CFAP299: variants seen among roughly 807,000 people sequenced by gnomAD.
The protein encoded by CFAP299 is cilia- and flagella-associated protein 299.
Under a neutral mutation model 27.0 loss-of-function variants are expected in CFAP299, and 21 were observed. The ratio of observed to expected loss-of-function variants is 0.78; its 90% CI spans 0.55 to 1.12. CFAP299 has a LOEUF of 1.12. CFAP299 is among the 50% of genes most tolerant of loss of function. The pLI is 0.00. For missense variants in CFAP299, 310 were observed against 276.6 expected, an observed-to-expected ratio of 1.12 and a Z score of -0.86; for synonymous variants, 104 against 98.1, an observed-to-expected ratio of 1.06 and a Z score of -0.36.
At chr4:80,952,331 G>T (rs182865615) in intron 5 of CFAP299, among the ~76,000 whole-genome samples, 199 of 152,204 alleles carry the variant, frequency 1.3e-3, no homozygotes, top group African/African-American at 4.6e-3. Context: ...ATATTTTAGG[G>T]TCTTAGGCAC....
At chr4:80,458,765 G>T (rs1729294632) in intron 2 of CFAP299, among the ~76,000 whole-genome samples, 1 of 152,044 alleles carries the variant, frequency 6.6e-6, no homozygotes, top group African/African-American at 2.4e-5. Context: ...CCCAGAAATA[G>T]GCTAAAATAG....
chr4:80,434,021 AT>A (rs1248553715), intron 2 of CFAP299, among the ~76,000 whole-genome samples: 1 of 152,124 alleles, frequency 6.6e-6, no homozygotes, highest in Non-Finnish European at 1.5e-5. Context: ...TTCAACAACT[AT>A]TTACCAAATG....
At chr4:80,446,814 A>G (rs1239334916) in intron 2 of CFAP299, among the ~76,000 whole-genome samples, 1 of 152,234 alleles carries the variant, frequency 6.6e-6, no homozygotes, top group Non-Finnish European at 1.5e-5. Context: ...CTCTTAACCC[A>G]GAAATTTAAT....
intron 3 of CFAP299, among the ~76,000 whole-genome samples, chr4:80,758,916 T>C (rs1725402649): frequency 6.6e-6 from 1 of 152,134 alleles, no homozygotes. Flanking sequence ...CTCTAAATAT[T>C]AAAATGGCAC....
At chr4:80,393,435 C>CCACTGACT (rs70944778) in intron 2 of CFAP299, among the ~76,000 whole-genome samples, 1 of 152,060 alleles carries the variant, frequency 6.6e-6, no homozygotes, top group African/African-American at 2.4e-5. Flanking sequence ...CATTCACTCA[C>CCACTGACT]CACTGACTCA....
chr4:80,740,341 A>C (rs72864895), intron 3 of CFAP299, among the ~76,000 whole-genome samples: 14,432 of 152,158 alleles, frequency 0.095, 833 homozygotes, highest in African/African-American at 0.14. Context: ...TGGGCTCCAA[A>C]CCCAATAACA....
the CFAP299 span, among the ~76,000 whole-genome samples, chr4:80,329,919 T>G: frequency 6.6e-6 from 1 of 152,076 alleles, no homozygotes; most frequent in Admixed American, 6.5e-5. Flanking sequence ...ATCTCTGGGG[T>G]TTTAACGATG....
chr4:80,564,043 A>G (rs1735165234), intron 2 of CFAP299, among the ~76,000 whole-genome samples: 2 of 151,976 alleles, frequency 1.3e-5, no homozygotes, highest in African/African-American at 2.4e-5. Flanking sequence ...GTAATAAAAA[A>G]TCTCCTAGTA....
chr4:80,386,931 A>G lies in CFAP299; in HGVS notation c.242+24047A>G. 2.3e-6 allele frequency: 2 copies of G among 851,070 alleles called. 1 individual carries two copies. Among genetic ancestry groups the G allele is most frequent in the South Asian group, 2.7e-5 (2 of 74,624 alleles). 52.7% of individuals were successfully genotyped at this position (851,070 alleles called of 1,614,324 possible). A position where few individuals can be genotyped will look rare whatever the true frequency, so the allele number is the denominator to read the frequency against. On this transcript the variant is annotated intron_variant, in intron 2 of 5. Transcript: ENST00000358105. Reference sequence around the variant, plus strand: ...CTCGCCTGAGTGGTTGTGAGCGCGCAGTTTGAGGTAATGCACCCGCCGGGA... The same window carrying G: ...CTCGCCTGAGTGGTTGTGAGCGCGCGGTTTGAGGTAATGCACCCGCCGGGA...
intron 1 of CFAP299, among the ~76,000 whole-genome samples, chr4:80,347,442 T>A (rs1214406603): frequency 2.6e-5 from 4 of 152,024 alleles, no homozygotes; most frequent in Admixed American, 1.3e-4. Context: ...AGTCTCAGGA[T>A]ACAAAAGCAA....
At chr4:80,775,275 G>T (rs920276406) in intron 3 of CFAP299, among the ~76,000 whole-genome samples, 1 of 151,724 alleles carries the variant, frequency 6.6e-6, no homozygotes, top group Non-Finnish European at 1.5e-5. Flanking sequence ...AAACAAGAAA[G>T]TATTGTAACA....
intron 3 of CFAP299, among the ~76,000 whole-genome samples, chr4:80,697,288 G>T (rs1189850695): frequency 6.6e-6 from 1 of 152,044 alleles, no homozygotes; most frequent in Non-Finnish European, 1.5e-5. Flanking sequence ...TATTTTTATA[G>T]GATATAAACC....
chr4:80,916,389 G>A (rs1303876779), intron 4 of CFAP299, among the ~76,000 whole-genome samples: 1 of 149,442 alleles, frequency 6.7e-6, no homozygotes, highest in African/African-American at 2.5e-5. Context: ...TTGATGCTAG[G>A]TACTTCTGTA....
At chr4:80,855,500 C>T (rs1180244322) in intron 3 of CFAP299, among the ~76,000 whole-genome samples, 1 of 152,140 alleles carries the variant, frequency 6.6e-6, no homozygotes, top group Non-Finnish European at 1.5e-5. Context: ...TGGTGCGCTG[C>T]ACCGACTAAC....
At position 80,730,274 on chromosome 4, in the gene CFAP299, G is replaced by A. The variant is rs958686228; in HGVS notation, c.334-139719G>A. On this transcript the variant is annotated intron_variant, in intron 3 of 5. Transcript: ENST00000358105. ...TGTGTGTGTGTGTGTGTGTGTGTGTGTGTGTATGTGTGTGTGTGTGTGTGT... is the reference window on the plus strand; with the variant it reads ...TGTGTGTGTGTGTGTGTGTGTGTGTATGTGTATGTGTGTGTGTGTGTGTGT... Among the ~76,000 whole-genome samples the A allele has an allele frequency of 7.9e-3, 1,179 of 148,838 alleles. 7 individuals are homozygous for A. Among genetic ancestry groups the A allele is most frequent in the Middle Eastern group, 0.017 (5 of 290 alleles).
chr4:80,754,906 T>C (rs1206890706), intron 3 of CFAP299, among the ~76,000 whole-genome samples: 1 of 152,136 alleles, frequency 6.6e-6, no homozygotes, highest in Non-Finnish European at 1.5e-5. Flanking sequence ...AAGAGTTGTG[T>C]TTGCATATTG....
chr4:80,893,261 T>C (rs1734436294), intron 4 of CFAP299, among the ~76,000 whole-genome samples: 1 of 151,530 alleles, frequency 6.6e-6, no homozygotes, highest in African/African-American at 2.4e-5. Flanking sequence ...GCATCCCATG[T>C]TTATGGATTG....
At chr4:80,856,364 T>C (rs1249919067) in intron 3 of CFAP299, among the ~76,000 whole-genome samples, 1 of 150,622 alleles carries the variant, frequency 6.6e-6, no homozygotes, top group Non-Finnish European at 1.5e-5. Context: ...GCCTGTTCAC[T>C]CTGATGGTAG....
At chr4:80,719,981 A>C (rs1722721374) in intron 3 of CFAP299, among the ~76,000 whole-genome samples, 1 of 152,190 alleles carries the variant, frequency 6.6e-6, no homozygotes, top group African/African-American at 2.4e-5. Flanking sequence ...ATGGGAAACA[A>C]ATAATATAAG....
Sources: allele counts gnomAD v4.1 joint callset (sites outside exome capture counted in the v4.1 genomes callset), GRCh38; gene constraint gnomAD v4.1.1; transcripts MANE v1.5; gene names NCBI Gene and HGNC (gene_info 2026-07-23, HGNC 2026-07-21).